ZNF569: variants seen among roughly 807,000 people sequenced by gnomAD.
The protein encoded by ZNF569 is zinc finger protein 569, also known as DNA-binding protein.
In ZNF569, 38 loss-of-function variants were observed where a neutral mutation model predicts 56.3. The ratio of observed to expected loss-of-function variants is 0.68; its 90% CI spans 0.52 to 0.88. The LOEUF (loss-of-function observed/expected upper bound fraction) is 0.88, where lower values mean the gene tolerates loss of function less well. ZNF569 is among the 40% of genes least tolerant of loss of function. The pLI is 0.00. For synonymous variants in ZNF569, 241 were observed against 262.9 expected (o/e 0.92, Z 0.81); for missense variants, 666 against 809.2 (o/e 0.82, Z 2.15).
intron 5 of ZNF569, among the ~76,000 whole-genome samples, chr19:37,423,985 A>G (rs1417114991): frequency 6.6e-6 from 1 of 152,184 alleles, no homozygotes; most frequent in Non-Finnish European, 1.5e-5. Context: ...GGACATATAT[A>G]TGTATATGTA....
At chr19:37,433,274 A>C (rs2041255408) in intron 3 of ZNF569, among the ~76,000 whole-genome samples, 1 of 152,136 alleles carries the variant, frequency 6.6e-6, no homozygotes. Context: ...GTGAGCCTGA[A>C]GATAGGCTAT....
At position 37,412,771 on chromosome 19, in the gene ZNF569, T is replaced by A. The variant is rs1446852885; in HGVS notation, c.1887A>T (p.Thr629=). Residue 629 remains threonine (T), a synonymous_variant, in exon 6 of 6, where the codon ACA becomes ACT. Coordinates refer to ENST00000316950, the MANE Select transcript of ZNF569 (RefSeq NM_152484.3). ...TACTACAGTCGAAGGGTTTCTCACC[T>A]GTATGTCCTCGTATATGTATAGTAA... ...SSLTIHIRGH[T]GEKPFDCSKC... 1.9e-6 allele frequency: 3 copies of A among 1,613,886 alleles called. No individual in the cohort carries two copies. The highest frequency in any genetic ancestry group is 2.2e-5 in the East Asian group (1 of 44,870).
In ZNF569 at chr19:37,426,332, TC is replaced by T; in HGVS notation, c.61del (p.Glu21SerfsTer16). On this transcript the variant is annotated frameshift_variant, in exon 4 of 6. Coordinates refer to ENST00000316950, the MANE Select transcript of ZNF569 (RefSeq NM_152484.3). LOFTEE classifies it high-confidence loss of function. ...KDVAIDFTQEEWKRLDPAQRK... is the reference protein window; with the variant it reads ...KDVAIDFTQEXWKRLDPAQRK... ...CTGAGCAGGATCCAATCTCTTCCACTCCTCCTGAGTGAAGTCGATAGCCACA... is the reference window on the plus strand; with the variant it reads ...CTGAGCAGGATCCAATCTCTTCCACTCTCCTGAGTGAAGTCGATAGCCACA... The T allele has an allele frequency of 6.2e-7, 1 of 1,613,244 alleles. No homozygotes were observed. Among genetic ancestry groups the T allele is most frequent in the Non-Finnish European group, 8.5e-7 (1 of 1,179,706 alleles).
chr19:37,462,032 A>AT (rs904809413), intron 2 of ZNF569, among the ~76,000 whole-genome samples: 10 of 151,846 alleles, frequency 6.6e-5, no homozygotes, highest in South Asian at 2.1e-4. Flanking sequence ...AATCTCTGTG[A>AT]TTTTTTTTCC....
chr19:37,415,392 TAA>T (rs1180490933), intron 5 of ZNF569, among the ~76,000 whole-genome samples: 4 of 152,004 alleles, frequency 2.6e-5, no homozygotes, highest in African/African-American at 9.7e-5. Context: ...ATCCTTTATA[TAA>T]AATAGGAACA....
In ZNF569 at chr19:37,412,465, C is replaced by T. The variant is rs1161612622; in HGVS notation, c.*132G>A. The stretch of plus-strand genomic sequence containing the variant: ...ACCTTGGAAGAATTCTCTAATGTTT[C>T]ATAAATTTGTGGCTTTTTCAGAAGG... On this transcript the variant is annotated 3_prime_UTR_variant, in exon 6 of 6. Transcript: ENST00000316950. The T allele has an allele frequency of 5.9e-6, 8 of 1,355,614 alleles. No homozygotes were observed. The East Asian group carries it at 1.6e-4, about 26-fold the overall frequency. 84.0% of individuals were successfully genotyped at this position (1,355,614 alleles called of 1,614,324 possible).
At chr19:37,436,884 C>A (rs2041317599) in intron 3 of ZNF569, among the ~76,000 whole-genome samples, 1 of 151,896 alleles carries the variant, frequency 6.6e-6, no homozygotes, top group Non-Finnish European at 1.5e-5. Context: ...CTGAATTTTA[C>A]TGAACAATTA....
In ZNF569 at chr19:37,441,273, G is replaced by A. The variant is rs372867722; in HGVS notation, c.15+3634C>T. Among the ~76,000 whole-genome samples, 22 of 152,274 alleles carry A rather than the reference G, an allele frequency of 1.4e-4. No homozygotes were observed. The East Asian group carries it at 3.5e-3, about 24-fold the overall frequency. ...AAGCAGTGAGTTAAGTGGGAAAAGT[G>A]TCATGTCAAACTGAGAGAATAACTT... On this transcript the variant is annotated intron_variant, in intron 3 of 5. Coordinates refer to ENST00000316950, the MANE Select transcript of ZNF569 (RefSeq NM_152484.3).
intron 5 of ZNF569, among the ~76,000 whole-genome samples, chr19:37,419,490 G>A (rs2040993093): frequency 6.6e-6 from 1 of 152,148 alleles, no homozygotes; most frequent in Non-Finnish European, 1.5e-5. Context: ...GGGAGGCCGA[G>A]GTGGGTGAAT....
At chr19:37,421,672 T>G (rs2041037491) in intron 5 of ZNF569, among the ~76,000 whole-genome samples, 1 of 152,048 alleles carries the variant, frequency 6.6e-6, no homozygotes, top group Non-Finnish European at 1.5e-5. Flanking sequence ...AACTAAAACT[T>G]TCTCCCTATC....
At position 37,413,036 on chromosome 19, in the gene ZNF569, A is replaced by T; in HGVS notation, c.1622T>A (p.Leu541Ter). ...FSQIASLTLH[L>*]RSHTGEKPYE... The stretch of plus-strand genomic sequence containing the variant: ...AGGCTTTTCCCCTGTATGACTTCTC[A>T]AATGAAGGGTAAGGGATGCAATTTG... Residue 541 changes from leucine (L) to a stop codon, truncating the protein, a stop_gained, in exon 6 of 6, where the codon TTG becomes TAG. Coordinates refer to ENST00000316950, the MANE Select transcript of ZNF569 (RefSeq NM_152484.3). LOFTEE classifies it high-confidence loss of function. 1 of 1,613,988 alleles carries T rather than the reference A, an allele frequency of 6.2e-7. No homozygotes were observed. The highest frequency in any genetic ancestry group is 8.5e-7 in the Non-Finnish European group (1 of 1,179,932).
chr19:37,462,469 G>T (rs1390802330), intron 2 of ZNF569, among the ~76,000 whole-genome samples: 3 of 150,208 alleles, frequency 2.0e-5, no homozygotes, highest in Non-Finnish European at 4.4e-5. Flanking sequence ...TATCTCCAAC[G>T]TTTTCTTTTC....
intron 5 of ZNF569, among the ~76,000 whole-genome samples, chr19:37,418,134 TA>T (rs1185058539): frequency 7.3e-6 from 1 of 137,682 alleles, no homozygotes; most frequent in Non-Finnish European, 1.6e-5. Flanking sequence ...ATAATAATAA[TA>T]AAATAAAGTT....
At chr19:37,441,029 T>C (rs1033765325) in intron 3 of ZNF569, among the ~76,000 whole-genome samples, 1 of 152,190 alleles carries the variant, frequency 6.6e-6, no homozygotes, top group East Asian at 1.9e-4. Context: ...ACCAGTATAC[T>C]AGTTTTGAAG....
Position 37,459,231 on chromosome 19 carries a change from A to G in ZNF569, c.-44+6082T>C, listed in dbSNP as rs981974644. Among the ~76,000 whole-genome samples the G allele has an allele frequency of 2.0e-5, 3 of 152,130 alleles. 1 individual carries two copies. The highest frequency in any genetic ancestry group is 4.4e-5 in the Non-Finnish European group (3 of 68,028). On this transcript the variant is annotated intron_variant, in intron 2 of 5. Transcript: ENST00000316950. ...GCGCAAAGAACACTAAGCAAGATAA[A>G]TACCAAAAAAAACCACACGTGTATA... is the stretch of plus-strand genomic sequence containing the variant.
intron 3 of ZNF569, among the ~76,000 whole-genome samples, chr19:37,429,026 A>G (rs1015936345): frequency 1.3e-5 from 2 of 152,188 alleles, no homozygotes; most frequent in African/African-American, 4.8e-5. Flanking sequence ...ACATAAGCCT[A>G]AGACTGATCT....
intron 2 of ZNF569, among the ~76,000 whole-genome samples, chr19:37,456,841 G>A (rs554249588): frequency 2.6e-5 from 4 of 151,766 alleles, no homozygotes; most frequent in South Asian, 4.2e-4. Flanking sequence ...GGTGGCAGGC[G>A]CCTGTAATCC....
chr19:37,415,203 T>G (rs931584678), intron 5 of ZNF569, among the ~76,000 whole-genome samples: 54 of 151,972 alleles, frequency 3.6e-4, no homozygotes, highest in African/African-American at 1.1e-3. Context: ...ATATAAAATA[T>G]ATCATATTTG....
intron 3 of ZNF569, among the ~76,000 whole-genome samples, chr19:37,436,644 T>A (rs1255489824): frequency 1.3e-5 from 2 of 151,914 alleles, no homozygotes; most frequent in African/African-American, 4.8e-5. Context: ...AGAGACATTA[T>A]AACCAATACT....
Sources: allele counts gnomAD v4.1 joint callset (sites outside exome capture counted in the v4.1 genomes callset), GRCh38; gene constraint gnomAD v4.1.1; transcripts MANE v1.5; gene names NCBI Gene and HGNC (gene_info 2026-07-23, HGNC 2026-07-21).